Variants in CAMTA1 observed in about 807,000 individuals in gnomAD.
CAMTA1 encodes the protein calmodulin binding transcription activator 1, also known as calmodulin-binding transcription activator 1.
CAMTA1 carries 27 observed loss-of-function variants against 170.9 expected under a neutral mutation model. The observed-to-expected ratio is 0.16, with a 90% confidence interval of 0.12 to 0.22. CAMTA1 has a LOEUF of 0.22. Ranked by LOEUF, CAMTA1 falls within the 10% of genes least tolerant of loss-of-function variation. The pLI is 1.00. For missense variants in CAMTA1, 1,619 were observed against 2,217.2 expected (o/e 0.73, Z 5.42); for synonymous variants, 833 against 891.5 (o/e 0.93, Z 1.17).
intron 3 of CAMTA1, among the ~76,000 whole-genome samples, chr1:6,892,220 T>C (rs1460088362): frequency 6.6e-6 from 1 of 152,238 alleles, no homozygotes; most frequent in African/African-American, 2.4e-5. Flanking sequence ...ATTGTTGGGC[T>C]TGAATTAACC....
chr1:7,027,726 G>T (rs1024458485), intron 3 of CAMTA1, among the ~76,000 whole-genome samples: 1 of 152,162 alleles, frequency 6.6e-6, no homozygotes, highest in Non-Finnish European at 1.5e-5. Context: ...TAGTCTGACA[G>T]TGGGCGTGGA....
rs1377858810 is a variant in CAMTA1, at chr1:7,146,657, A to G, written c.302+55286A>G. 3.9e-5 allele frequency among the ~76,000 whole-genome samples: 6 copies of G among 152,042 alleles called. No homozygotes were observed. Among genetic ancestry groups the G allele is most frequent in the Non-Finnish European group, 7.4e-5 (5 of 68,014 alleles). ...GCTGGGTCCTCACTGCTTCCCTGGG[A>G]CCGGCTGTGTAGGGGTTGATGTGGG... On this transcript the variant is annotated intron_variant, in intron 4 of 22. Coordinates refer to ENST00000303635, the MANE Select transcript of CAMTA1 (RefSeq NM_015215.4). This position sits in a 1 kb window ranked among gnomAD's most constrained non-coding sequence, Gnocchi z 4.3.
At chr1:6,890,780 C>T (rs1361307972) in intron 3 of CAMTA1, among the ~76,000 whole-genome samples, 1 of 152,054 alleles carries the variant, frequency 6.6e-6, no homozygotes, top group Admixed American at 6.6e-5. Flanking sequence ...CTATTTTGCC[C>T]AGGCTGGTCT....
At chr1:6,961,381 C>T (rs942489299) in intron 3 of CAMTA1, among the ~76,000 whole-genome samples, 1 of 152,312 alleles carries the variant, frequency 6.6e-6, no homozygotes, top group African/African-American at 2.4e-5. Context: ...CGTCACGTCC[C>T]TCCCAGTTCA....
intron 6 of CAMTA1, among the ~76,000 whole-genome samples, chr1:7,506,037 T>C (rs1168980732): frequency 6.6e-6 from 1 of 152,096 alleles, no homozygotes; most frequent in Non-Finnish European, 1.5e-5. Flanking sequence ...ACATCAGTGA[T>C]GACAGAACGG....
intron 5 of CAMTA1, among the ~76,000 whole-genome samples, chr1:7,264,869 A>G (rs886543787): frequency 8.5e-4 from 129 of 152,344 alleles, no homozygotes; most frequent in African/African-American, 2.8e-3. Flanking sequence ...CCTTAGGAGT[A>G]CTGCCCTTTC....
At chr1:6,847,869 AT>A (rs70984025) in intron 3 of CAMTA1, among the ~76,000 whole-genome samples, 231 of 139,230 alleles carry the variant, frequency 1.7e-3, no homozygotes, top group East Asian at 2.3e-3. Context: ...CACCCAGCTA[AT>A]TTTTTTTTTT....
intron 6 of CAMTA1, among the ~76,000 whole-genome samples, chr1:7,614,760 G>C (rs1295346713): frequency 6.6e-6 from 1 of 152,110 alleles, no homozygotes; most frequent in Non-Finnish European, 1.5e-5. Flanking sequence ...ATCAAATCAG[G>C]CTCATCTGAT....
intron 11 of CAMTA1, among the ~76,000 whole-genome samples, chr1:7,714,696 A>G (rs991847229): frequency 2.6e-5 from 4 of 151,898 alleles, no homozygotes; most frequent in African/African-American, 9.7e-5. Flanking sequence ...TAATTTTTGT[A>G]TTTTTAGCAG....
At chr1:6,976,018 T>C (rs1468295898) in intron 3 of CAMTA1, among the ~76,000 whole-genome samples, 1 of 152,214 alleles carries the variant, frequency 6.6e-6, no homozygotes, top group Non-Finnish European at 1.5e-5. Context: ...CTCTGCGATG[T>C]GGACAGAGAC....
rs1361692051 is a variant in CAMTA1, at chr1:7,553,287, ATGAGTGAATGAG to A, written c.510+85396_510+85407del. ...AGTGAATAATTGAGTGAGTGAATGA[ATGAGTGAATGAG>A]TGAGTGAATTCAGGGCTCAGCTATG... On this transcript the variant is annotated intron_variant, in intron 6 of 22. Transcript: ENST00000303635. Among the ~76,000 whole-genome samples the A allele has an allele frequency of 9.3e-5, 13 of 139,820 alleles. No individual in the cohort carries two copies. In the East Asian group the frequency reaches 2.5e-3, roughly 27 times the overall value. The allele number at this position is 139,820 out of a possible 152,430, so 91.7% of individuals were successfully genotyped here.
At chr1:7,279,276 C>CACTG (rs1671169265) in intron 5 of CAMTA1, among the ~76,000 whole-genome samples, 1 of 152,322 alleles carries the variant, frequency 6.6e-6, no homozygotes, top group East Asian at 1.9e-4. Context: ...CAGGCACATC[C>CACTG]ACTGGGGTGG....
rs535601929 is a variant in CAMTA1, at chr1:6,946,828, G to A, written c.234+121618G>A. ...AAGTTTTACATTTTGATGATGTTCC[G>A]TTTAGTTTTTCTTTTGCTGTTTGTG... On this transcript the variant is annotated intron_variant, in intron 3 of 22. Transcript: ENST00000303635. Among the ~76,000 whole-genome samples the A allele has an allele frequency of 2.8e-4, 43 of 151,584 alleles. 1 individual carries two copies. The South Asian group carries it at 6.9e-3, about 24-fold the overall frequency.
intron 4 of CAMTA1, among the ~76,000 whole-genome samples, chr1:7,149,937 G>T (rs886697701): frequency 6.6e-6 from 1 of 152,236 alleles, no homozygotes; most frequent in Non-Finnish European, 1.5e-5. Flanking sequence ...CGTACCTGGG[G>T]GCTTGTACTG....
At position 7,635,922 on chromosome 1, in the gene CAMTA1, A is replaced by G. The variant is rs2095708771; in HGVS notation, c.511-4478A>G. 6.6e-6 allele frequency among the ~76,000 whole-genome samples: 1 copy of G among 152,210 alleles called. No individual in the cohort carries two copies. Among genetic ancestry groups the G allele is most frequent in the Non-Finnish European group, 1.5e-5 (1 of 68,038 alleles). On this transcript the variant is annotated intron_variant, in intron 6 of 22. Coordinates refer to ENST00000303635, the MANE Select transcript of CAMTA1 (RefSeq NM_015215.4). This position sits in a 1 kb window ranked among gnomAD's most constrained non-coding sequence, Gnocchi z 4.4. Reference sequence around the variant, plus strand: ...CCCAAATTTCCAAAATACCTCCATCAGCCCATGTCTGAAAACCAGCCCCAC... The same window carrying G: ...CCCAAATTTCCAAAATACCTCCATCGGCCCATGTCTGAAAACCAGCCCCAC...
chr1:7,196,193 C>T (rs56264921), intron 4 of CAMTA1, among the ~76,000 whole-genome samples: 5 of 151,484 alleles, frequency 3.3e-5, no homozygotes, highest in Non-Finnish European at 5.9e-5. Context: ...TGGCACTTCC[C>T]CCTTAGCTCT....
At chr1:7,215,063 T>C (rs1204545694) in intron 4 of CAMTA1, among the ~76,000 whole-genome samples, 1 of 152,176 alleles carries the variant, frequency 6.6e-6, no homozygotes, top group African/African-American at 2.4e-5. Context: ...TCTTGATAAC[T>C]GTAGCTATAT....
At chr1:6,897,021 G>A (rs958997384) in intron 3 of CAMTA1, among the ~76,000 whole-genome samples, 10 of 152,150 alleles carry the variant, frequency 6.6e-5, no homozygotes, top group African/African-American at 2.4e-4. Context: ...CCATGGAGCT[G>A]GAGGATTTCA....
intron 16 of CAMTA1, among the ~76,000 whole-genome samples, chr1:7,740,762 G>T (rs1164099955): frequency 6.6e-6 from 1 of 152,222 alleles, no homozygotes; most frequent in East Asian, 1.9e-4. Flanking sequence ...ATTGGATAGA[G>T]CAGCTTTTTG....
Sources: allele counts gnomAD v4.1 joint callset (sites outside exome capture counted in the v4.1 genomes callset), GRCh38; gene constraint gnomAD v4.1.1; non-coding constraint Gnocchi (gnomAD v3.1); transcripts MANE v1.5; gene names NCBI Gene and HGNC (gene_info 2026-07-23, HGNC 2026-07-21).